Variants in MYO16 observed in about 807,000 individuals in gnomAD.
MYO16 encodes myosin XVI.
MYO16 carries 94 observed loss-of-function variants against 205.3 expected under a neutral mutation model. That is an observed-to-expected ratio of 0.46 (90% CI 0.39 to 0.54). The LOEUF (loss-of-function observed/expected upper bound fraction) is 0.54. Among genes scored for constraint, MYO16 ranks in the 20% least tolerant of loss-of-function variants. MYO16 has a pLI of 0.00. For synonymous variants in MYO16, 988 were observed against 954.0 expected (o/e 1.04, Z -0.66); for missense variants, 2,315 against 2,387.5 (o/e 0.97, Z 0.63).
intron 20 of MYO16, among the ~76,000 whole-genome samples, chr13:108,990,147 TACACAC>T (rs56975148): frequency 0.048 from 7,046 of 148,168 alleles, 205 homozygotes; most frequent in Non-Finnish European, 0.068. Flanking sequence ...ACACAGACAA[TACACAC>T]ACACACACAC....
At chr13:108,749,302 C>T (rs936307865) in intron 4 of MYO16, among the ~76,000 whole-genome samples, 7 of 152,164 alleles carry the variant, frequency 4.6e-5, no homozygotes, top group African/African-American at 1.4e-4. Context: ...CTTTGACCAA[C>T]ATCTCAATTC....
At chr13:108,886,214 C>T (rs1879873665) in intron 13 of MYO16, among the ~76,000 whole-genome samples, 2 of 152,138 alleles carry the variant, frequency 1.3e-5, no homozygotes, top group African/African-American at 4.8e-5. Context: ...GTCTCGATCT[C>T]CTGACCTTGT....
intron 27 of MYO16, among the ~76,000 whole-genome samples, chr13:109,097,315 G>A (rs1225524566): frequency 2.0e-5 from 3 of 152,100 alleles, no homozygotes; most frequent in Non-Finnish European, 4.4e-5. Context: ...GGCAACAAGA[G>A]TGAAACTCTG....
the MYO16 span, among the ~76,000 whole-genome samples, chr13:108,509,743 C>T: frequency 2.6e-5 from 4 of 152,216 alleles, no homozygotes; most frequent in African/African-American, 9.6e-5. Context: ...CACATGTATA[C>T]ATATGTAAAA....
intron 12 of MYO16, among the ~76,000 whole-genome samples, chr13:108,880,774 T>G (rs532093206): frequency 6.6e-6 from 1 of 152,300 alleles, no homozygotes; most frequent in South Asian, 2.1e-4. Flanking sequence ...AGCCTTGTAG[T>G]ATAGTTTGAA....
At chr13:108,847,369 A>G (rs538887901) in intron 10 of MYO16, among the ~76,000 whole-genome samples, 30 of 152,340 alleles carry the variant, frequency 2.0e-4, no homozygotes, top group African/African-American at 6.7e-4. Context: ...ACCCAGTAAT[A>G]TGCCGCATGG....
chr13:108,798,788 CT>C (rs1886879082), intron 6 of MYO16, among the ~76,000 whole-genome samples: 2 of 138,264 alleles, frequency 1.4e-5, no homozygotes, highest in African/African-American at 5.5e-5. Context: ...TCACTGCAAG[CT>C]CCGCCTCCCG....
At chr13:108,610,869 T>A (rs746154063) in intron 1 of MYO16, among the ~76,000 whole-genome samples, 2 of 152,186 alleles carry the variant, frequency 1.3e-5, no homozygotes, top group Non-Finnish European at 2.9e-5. Context: ...TCAGCTTGTC[T>A]GTGTTAGTGC....
chr13:109,182,910 G>A (rs1031556468), intron 34 of MYO16, among the ~76,000 whole-genome samples: 5 of 152,084 alleles, frequency 3.3e-5, no homozygotes, highest in South Asian at 2.1e-4. Flanking sequence ...CATTTGCTGC[G>A]CTGTGCATGG....
chr13:109,049,134 G>T (rs1035326504), intron 24 of MYO16, among the ~76,000 whole-genome samples: 2 of 143,836 alleles, frequency 1.4e-5, no homozygotes, highest in Non-Finnish European at 3.0e-5. Flanking sequence ...TATAAGTTAG[G>T]TTATCCCTCT....
chr13:109,206,796 G>A lies in MYO16; in HGVS notation c.5603G>A (p.Cys1868Tyr), dbSNP rs1429136035. The A allele has an allele frequency of 5.6e-6, 9 of 1,614,040 alleles. No individual in the cohort carries two copies. The highest frequency in any genetic ancestry group is 7.6e-6 in the Non-Finnish European group (9 of 1,180,028). Reference sequence around the variant, plus strand: ...CTGAAGAAGCCGGAAGGGGCCTCCTGCAACAGGCTGCCGTCTGAGCTCTGG... The same window carrying A: ...CTGAAGAAGCCGGAAGGGGCCTCCTACAACAGGCTGCCGTCTGAGCTCTGG... ...SLLKKPEGASCNRLPSELWDT... is the reference protein window; with the variant it reads ...SLLKKPEGASYNRLPSELWDT... Residue 1868 changes from cysteine (C) to tyrosine (Y), a missense_variant, in exon 35 of 35, where the codon TGC becomes TAC. Physicochemically the swap from Cys to Tyr is radical, Grantham distance 194. Transcript: ENST00000457511.
chr13:109,127,612 T>TG lies in MYO16; in HGVS notation c.4051+66dup. ...GCTCGCGCATGCTCTGACTTCGCCTTGGGGCGCCCATGGCAGTACTGTCGC... is the reference window on the plus strand; with the variant it reads ...GCTCGCGCATGCTCTGACTTCGCCTTGGGGGCGCCCATGGCAGTACTGTCGC... On this transcript the variant is annotated intron_variant, in intron 31 of 34. Transcript: ENST00000457511. The surrounding 1 kb of genome is among the most constrained non-coding windows in gnomAD (Gnocchi z 4.2). 6.4e-7 allele frequency: 1 copy of TG among 1,559,524 alleles called. No homozygotes were observed. The highest frequency in any genetic ancestry group is 8.7e-7 in the Non-Finnish European group (1 of 1,153,208).
At chr13:108,764,967 CAT>C (rs1279778357) in intron 4 of MYO16, among the ~76,000 whole-genome samples, 1 of 152,154 alleles carries the variant, frequency 6.6e-6, no homozygotes, top group East Asian at 1.9e-4. Context: ...ATAAATATAA[CAT>C]GTTTATTGCA....
intron 31 of MYO16, among the ~76,000 whole-genome samples, chr13:109,139,236 A>G (rs1252367650): frequency 6.6e-6 from 1 of 152,208 alleles, no homozygotes; most frequent in Non-Finnish European, 1.5e-5. Flanking sequence ...TACAGGTGTG[A>G]GCCACTGCAC....
chr13:108,631,752 C>G (rs1241982618), intron 1 of MYO16, among the ~76,000 whole-genome samples: 4 of 152,106 alleles, frequency 2.6e-5, no homozygotes, highest in African/African-American at 9.7e-5. Context: ...GAAAAAAATG[C>G]ATCTTGAGCT....
At chr13:108,588,154 C>A in the MYO16 span, among the ~76,000 whole-genome samples, 4 of 152,018 alleles carry the variant, frequency 2.6e-5, no homozygotes, top group Admixed American at 2.0e-4. Context: ...TAGAGATCAT[C>A]CAATATATTG....
chr13:109,068,737 A>G (rs1381915710), intron 27 of MYO16, among the ~76,000 whole-genome samples: 1 of 152,096 alleles, frequency 6.6e-6, no homozygotes, highest in East Asian at 1.9e-4. Context: ...GATTACAGGC[A>G]TGTGCCACCA....
At chr13:108,678,345 G>A (rs1030268012) in intron 2 of MYO16, among the ~76,000 whole-genome samples, 1 of 152,100 alleles carries the variant, frequency 6.6e-6, no homozygotes, top group East Asian at 1.9e-4. Flanking sequence ...ATGATCCACA[G>A]AACAGAATCA....
chr13:108,785,163 G>T (rs976294543), intron 4 of MYO16, among the ~76,000 whole-genome samples: 55 of 152,174 alleles, frequency 3.6e-4, no homozygotes, highest in African/African-American at 1.3e-3. Flanking sequence ...TGTGAGAAGA[G>T]CTCCCAGATG....
Sources: allele counts gnomAD v4.1 joint callset (sites outside exome capture counted in the v4.1 genomes callset), GRCh38; gene constraint gnomAD v4.1.1; non-coding constraint Gnocchi (gnomAD v3.1); transcripts MANE v1.5; gene names NCBI Gene and HGNC (gene_info 2026-07-23, HGNC 2026-07-21).